CTNND2: variants seen among roughly 807,000 people sequenced by gnomAD.
CTNND2 encodes the protein catenin delta-2.
In CTNND2, 22 loss-of-function variants were observed where a neutral mutation model predicts 144.4. The ratio of observed to expected loss-of-function variants is 0.15; its 90% CI spans 0.11 to 0.22. The LOEUF is 0.22. Ranked by LOEUF, CTNND2 falls within the 10% of genes least tolerant of loss-of-function variation. The pLI is 1.00. For synonymous variants in CTNND2, 751 were observed against 695.6 expected, an observed-to-expected ratio of 1.08 and a Z score of -1.25; for missense variants, 1,353 against 1,618.8, an observed-to-expected ratio of 0.84 and a Z score of 2.82.
At chr5:11,782,816 TAATCAAGTCCCC>T (rs1365123720) in intron 1 of CTNND2, among the ~76,000 whole-genome samples, 1 of 152,222 alleles carries the variant, frequency 6.6e-6, no homozygotes, top group African/African-American at 2.4e-5. Context: ...TACATGCTTA[TAATCAAGTCCCC>T]AAATCTGTGA....
At chr5:11,505,317 G>A (rs1428833778) in intron 3 of CTNND2, among the ~76,000 whole-genome samples, 1 of 152,146 alleles carries the variant, frequency 6.6e-6, no homozygotes, top group Non-Finnish European at 1.5e-5. Context: ...CATGGGTGGA[G>A]TTTGCCTAGG....
chr5:11,828,728 T>C (rs778913131), intron 1 of CTNND2, among the ~76,000 whole-genome samples: 4 of 152,044 alleles, frequency 2.6e-5, no homozygotes, highest in Non-Finnish European at 5.9e-5. Flanking sequence ...TTATCAGCAG[T>C]GTGAAAATGG....
chr5:11,333,481 T>C (rs1205760707), intron 9 of CTNND2, among the ~76,000 whole-genome samples: 1 of 152,202 alleles, frequency 6.6e-6, no homozygotes, highest in African/African-American at 2.4e-5. Flanking sequence ...CCCAGGTTGC[T>C]CTTTTTTATT....
chr5:11,531,650 G>T (rs186252034), intron 3 of CTNND2, among the ~76,000 whole-genome samples: 2 of 151,902 alleles, frequency 1.3e-5, no homozygotes, highest in Admixed American at 1.3e-4. Context: ...AAAAAGACAG[G>T]GAGAGCCACT....
At chr5:11,567,196 C>T (rs536673135) in intron 2 of CTNND2, among the ~76,000 whole-genome samples, 18 of 151,754 alleles carry the variant, frequency 1.2e-4, no homozygotes, top group Non-Finnish European at 2.5e-4. Context: ...CTCGCTCTGT[C>T]GTCCAGGTTG....
intron 1 of CTNND2, among the ~76,000 whole-genome samples, chr5:11,753,248 G>T (rs775936105): frequency 3.3e-5 from 5 of 151,816 alleles, no homozygotes; most frequent in South Asian, 4.1e-4. Flanking sequence ...TCCTTGTCTT[G>T]TTCCAGTTCT....
intron 9 of CTNND2, among the ~76,000 whole-genome samples, chr5:11,334,427 C>G (rs935188456): frequency 6.6e-6 from 1 of 152,194 alleles, no homozygotes; most frequent in Admixed American, 6.5e-5. Flanking sequence ...TTCCAACCAC[C>G]TGTCTGTAAA....
chr5:11,162,400 A>T (rs1290612090), intron 11 of CTNND2, among the ~76,000 whole-genome samples: 1 of 152,208 alleles, frequency 6.6e-6, no homozygotes, highest in Non-Finnish European at 1.5e-5. Flanking sequence ...ATCTTTTTAT[A>T]GGCTGTTCTA....
intron 9 of CTNND2, among the ~76,000 whole-genome samples, chr5:11,243,732 A>G (rs1337641426): frequency 6.6e-6 from 1 of 152,236 alleles, no homozygotes; most frequent in Non-Finnish European, 1.5e-5. Flanking sequence ...AACAGCCAAC[A>G]GTTCATGACT....
chr5:11,482,425 T>C (rs931043401), intron 3 of CTNND2, among the ~76,000 whole-genome samples: 3 of 152,166 alleles, frequency 2.0e-5, no homozygotes, highest in Non-Finnish European at 4.4e-5. Flanking sequence ...AGTATATTCA[T>C]TCACTGAACA....
At chr5:11,559,123 C>T (rs1050743736) in intron 3 of CTNND2, among the ~76,000 whole-genome samples, 1 of 152,076 alleles carries the variant, frequency 6.6e-6, no homozygotes, top group African/African-American at 2.4e-5. Flanking sequence ...AATTAATATA[C>T]TATATACCTT....
chr5:11,653,328 C>A (rs761051320), intron 2 of CTNND2, among the ~76,000 whole-genome samples: 16 of 151,998 alleles, frequency 1.1e-4, no homozygotes, highest in Non-Finnish European at 2.1e-4. Flanking sequence ...AAATGCCATG[C>A]CCTAATGTCT....
chr5:10,997,590 T>TAA (rs59086011), intron 18 of CTNND2, among the ~76,000 whole-genome samples: 4 of 137,398 alleles, frequency 2.9e-5, no homozygotes, highest in Admixed American at 7.3e-5. Flanking sequence ...GACTCCATCT[T>TAA]AAAAAAAAAA....
rs114287523 is a variant in CTNND2, at chr5:11,367,847, G to A, written c.1178-2957C>T. 8.6e-3 allele frequency among the ~76,000 whole-genome samples: 1,305 copies of A among 152,254 alleles called. 16 individuals are homozygous for A. The highest frequency in any genetic ancestry group is 0.029 in the African/African-American group (1,195 of 41,538). ...CACAGACCAGACCAACTTTCCTGAT[G>A]GTTTCCCCTGCCATGACAGACATAA... On this transcript the variant is annotated intron_variant, in intron 7 of 21. Coordinates refer to ENST00000304623, the MANE Select transcript of CTNND2 (RefSeq NM_001332.4).
At chr5:11,726,354 G>C (rs1229923846) in intron 2 of CTNND2, among the ~76,000 whole-genome samples, 1 of 151,868 alleles carries the variant, frequency 6.6e-6, no homozygotes, top group Non-Finnish European at 1.5e-5. Context: ...GTACAAAGAA[G>C]AATAAAATAT....
At chr5:11,714,888 A>T (rs1786265053) in intron 2 of CTNND2, among the ~76,000 whole-genome samples, 1 of 151,234 alleles carries the variant, frequency 6.6e-6, no homozygotes, top group Non-Finnish European at 1.5e-5. Flanking sequence ...ACTCCAGCCT[A>T]GGTGAGAGAG....
At chr5:11,741,226 C>G (rs1279199016) in intron 1 of CTNND2, among the ~76,000 whole-genome samples, 1 of 152,062 alleles carries the variant, frequency 6.6e-6, no homozygotes, top group African/African-American at 2.4e-5. Context: ...GGCTATATAC[C>G]CAAAGGATTA....
intron 3 of CTNND2, among the ~76,000 whole-genome samples, chr5:11,461,601 G>C (rs1766230402): frequency 1.3e-5 from 2 of 152,114 alleles, no homozygotes; most frequent in African/African-American, 2.4e-5. Flanking sequence ...CTTCAATGTG[G>C]TTGACCTATG....
chr5:11,484,764 TGAAAA>T (rs1295894239), intron 3 of CTNND2, among the ~76,000 whole-genome samples: 1 of 152,144 alleles, frequency 6.6e-6, no homozygotes. Context: ...ATCCTATTTA[TGAAAA>T]GAAAAGTAGA....
Sources: gnomAD v4.1 joint callset for allele counts (sites outside exome capture counted in the v4.1 genomes callset) on GRCh38, gnomAD v4.1.1 for gene constraint, MANE v1.5 for transcripts, NCBI Gene and HGNC (gene_info 2026-07-23, HGNC 2026-07-21) for gene names.